RPS6KC1: variants seen among roughly 807,000 people sequenced by gnomAD.
RPS6KC1 encodes inactive ribosomal protein S6 kinase delta-1.
A neutral mutation model predicts 103.8 loss-of-function variants in RPS6KC1; 54 were observed. That is an observed-to-expected ratio of 0.52 (90% confidence interval 0.42 to 0.65). The LOEUF is 0.65. Ranked by LOEUF, RPS6KC1 falls within the 30% of genes least tolerant of loss-of-function variation. RPS6KC1 has a pLI of 0.00. For missense variants in RPS6KC1, 1,151 were observed against 1,253.8 expected, an observed-to-expected ratio of 0.92 and a Z score of 1.24; for synonymous variants, 439 against 438.7, an observed-to-expected ratio of 1.00 and a Z score of -0.01.
chr1:213,120,760 A>G (rs192386741), intron 5 of RPS6KC1, among the ~76,000 whole-genome samples: 2 of 152,298 alleles, frequency 1.3e-5, no homozygotes, highest in East Asian at 3.9e-4. Context: ...CAGAGGGGGT[A>G]AATCTTAATA....
chr1:213,684,166 C>T, the RPS6KC1 span, among the ~76,000 whole-genome samples: 1 of 152,168 alleles, frequency 6.6e-6, no homozygotes, highest in Admixed American at 6.5e-5. Flanking sequence ...GCCTCAAATA[C>T]ACTCTGATAT....
chr1:213,187,633 A>G (rs997793091), intron 8 of RPS6KC1, among the ~76,000 whole-genome samples: 3 of 151,404 alleles, frequency 2.0e-5, no homozygotes, highest in Non-Finnish European at 4.4e-5. Flanking sequence ...TATAACTACT[A>G]TTTTGAATTT....
rs2094355444 is a variant in RPS6KC1, at chr1:213,241,630, A to G, written c.2154A>G (p.Ile718Met). The G allele has an allele frequency of 3.1e-6, 5 of 1,613,912 alleles. No homozygotes were observed. The East Asian group carries it at 1.1e-4, about 36-fold the overall frequency. The change falls in exon 11 of 15, where the codon ATA becomes ATG. Residue 718 changes from isoleucine (I) to methionine (M), a missense_variant. Transcript: ENST00000366960. ...CTACTAAGTTTACACAAACTAATAT[A>G]GGGATAATAGAAAATAAACTCTTGG... is the stretch of plus-strand genomic sequence containing the variant. ...MGPTKFTQTNIGIIENKLLEA... is the reference protein window; with the variant it reads ...MGPTKFTQTNMGIIENKLLEA...
chr1:213,500,289 T>C, the RPS6KC1 span, among the ~76,000 whole-genome samples: 1 of 152,144 alleles, frequency 6.6e-6, no homozygotes, highest in African/African-American at 2.4e-5. Flanking sequence ...AAAGTCAGGA[T>C]CACCAATATC....
At chr1:213,430,406 G>C in the RPS6KC1 span, among the ~76,000 whole-genome samples, 1 of 152,128 alleles carries the variant, frequency 6.6e-6, no homozygotes, top group Non-Finnish European at 1.5e-5. Flanking sequence ...TGAATAACTA[G>C]GACATCAGAT....
the RPS6KC1 span, among the ~76,000 whole-genome samples, chr1:213,290,166 A>AAAAG: frequency 6.6e-6 from 1 of 151,734 alleles, no homozygotes; most frequent in Admixed American, 6.6e-5. Context: ...AAAAAAAAAA[A>AAAAG]AAGAATCAAT....
At chr1:213,694,284 G>A in the RPS6KC1 span, among the ~76,000 whole-genome samples, 1 of 152,172 alleles carries the variant, frequency 6.6e-6, no homozygotes, top group Non-Finnish European at 1.5e-5. Context: ...TCAGAGTACA[G>A]ACAGACAGAC....
At chr1:213,722,921 G>A in the RPS6KC1 span, among the ~76,000 whole-genome samples, 1 of 152,220 alleles carries the variant, frequency 6.6e-6, no homozygotes, top group Non-Finnish European at 1.5e-5. Context: ...GCTCATGCCA[G>A]TAATCCCAGC....
chr1:213,544,238 T>G, the RPS6KC1 span, among the ~76,000 whole-genome samples: 1 of 152,072 alleles, frequency 6.6e-6, no homozygotes, highest in Non-Finnish European at 1.5e-5. Context: ...AGAGAATCCT[T>G]CTGCTGCAGG....
chr1:213,439,376 T>C, the RPS6KC1 span, among the ~76,000 whole-genome samples: 2 of 142,518 alleles, frequency 1.4e-5, no homozygotes, highest in African/African-American at 2.5e-5. Flanking sequence ...AACTCATCCA[T>C]AGTTAAATTG....
At chr1:213,358,568 C>T in the RPS6KC1 span, among the ~76,000 whole-genome samples, 84,475 of 151,908 alleles carry the variant, frequency 0.56, 26,838 homozygotes, top group East Asian at 0.93. Context: ...ATTTTGCTGA[C>T]CTTTTCAAAA....
At chr1:213,510,643 G>A in the RPS6KC1 span, among the ~76,000 whole-genome samples, 1 of 152,122 alleles carries the variant, frequency 6.6e-6, no homozygotes, top group African/African-American at 2.4e-5. Flanking sequence ...GTTTGATCCT[G>A]CACTCACGGT....
At chr1:213,581,279 C>T in the RPS6KC1 span, among the ~76,000 whole-genome samples, 1 of 152,068 alleles carries the variant, frequency 6.6e-6, no homozygotes, top group African/African-American at 2.4e-5. Flanking sequence ...CTGTCTCTCT[C>T]CCCCTTTTTA....
the RPS6KC1 span, among the ~76,000 whole-genome samples, chr1:213,622,192 T>C: frequency 6.6e-6 from 1 of 151,662 alleles, no homozygotes; most frequent in African/African-American, 2.4e-5. Flanking sequence ...GAAAAAGCAA[T>C]AATGGAATTT....
chr1:213,504,035 ACT>A, the RPS6KC1 span, among the ~76,000 whole-genome samples: 334 of 152,256 alleles, frequency 2.2e-3, 2 homozygotes, highest in South Asian at 9.3e-3. Flanking sequence ...ATTTATGTAG[ACT>A]CTTGTGAAGT....
At chr1:213,730,448 T>C in the RPS6KC1 span, among the ~76,000 whole-genome samples, 2 of 152,208 alleles carry the variant, frequency 1.3e-5, no homozygotes, top group East Asian at 1.9e-4. Context: ...TTTTTGACTT[T>C]TAAGTATTTG....
At chr1:213,226,917 T>A (rs2093977533) in intron 8 of RPS6KC1, among the ~76,000 whole-genome samples, 1 of 152,216 alleles carries the variant, frequency 6.6e-6, no homozygotes, top group Non-Finnish European at 1.5e-5. Flanking sequence ...CAGAAATAAA[T>A]AGTATCGCTT....
At chr1:213,276,589 G>T (rs2095112976), downstream of RPS6KC1, among the ~76,000 whole-genome samples, 1 of 152,106 alleles carries the variant, frequency 6.6e-6, no homozygotes, top group Non-Finnish European at 1.5e-5. Flanking sequence ...TTCAGAGTGA[G>T]CTAATTTGAT....
the RPS6KC1 span, among the ~76,000 whole-genome samples, chr1:213,779,523 G>A: frequency 7.9e-5 from 12 of 152,230 alleles, no homozygotes; most frequent in East Asian, 7.7e-4. Flanking sequence ...TCACCTTTCC[G>A]AGATCGCAGA....
Sources: allele counts gnomAD v4.1 joint callset (sites outside exome capture counted in the v4.1 genomes callset), GRCh38; gene constraint gnomAD v4.1.1; transcripts MANE v1.5; gene names NCBI Gene and HGNC (gene_info 2026-07-23, HGNC 2026-07-21).